The following FMN1 variants were observed in gnomAD, a reference collection of about 807,000 sequenced individuals.
The protein encoded by FMN1 is formin-1.
FMN1 carries 110 observed loss-of-function variants against 132.4 expected under a neutral mutation model. That is an observed-to-expected ratio of 0.83 (90% CI 0.71 to 0.97). FMN1 has a LOEUF of 0.97. FMN1 is among the 50% of genes least tolerant of loss of function. The pLI is 0.00. For synonymous variants in FMN1, 722 were observed against 651.7 expected (o/e 1.11, Z -1.64); for missense variants, 1,792 against 1,705.3 (o/e 1.05, Z -0.90).
intron 17 of FMN1, among the ~76,000 whole-genome samples, chr15:32,808,387 A>G (rs948330759): frequency 6.6e-6 from 1 of 152,166 alleles, no homozygotes. Context: ...ACCCTCCCAC[A>G]TAGTTGCAGC....
intron 5 of FMN1, among the ~76,000 whole-genome samples, chr15:33,087,441 G>T: frequency 6.6e-6 from 1 of 152,176 alleles, no homozygotes; most frequent in East Asian, 1.9e-4. Flanking sequence ...AGCTTCTCAG[G>T]AGGCTGAGGT....
chr15:33,014,510 A>C (rs2034924795), intron 6 of FMN1, among the ~76,000 whole-genome samples: 1 of 152,252 alleles, frequency 6.6e-6, no homozygotes, highest in Admixed American at 6.5e-5. Flanking sequence ...AATGGAAGTT[A>C]ATAAATCAAT....
chr15:32,829,888 C>T (rs1177384493), intron 17 of FMN1, among the ~76,000 whole-genome samples: 1 of 152,166 alleles, frequency 6.6e-6, no homozygotes, highest in Non-Finnish European at 1.5e-5. Flanking sequence ...CAAATACCCA[C>T]ACAGAAATGA....
At chr15:32,962,035 C>T (rs1404305462) in intron 9 of FMN1, among the ~76,000 whole-genome samples, 2 of 152,074 alleles carry the variant, frequency 1.3e-5, no homozygotes, top group African/African-American at 4.8e-5. Flanking sequence ...ACCCTCCTTC[C>T]CCTGCACTAC....
At chr15:32,898,926 A>G (rs948245817) in intron 14 of FMN1, 33 bp from the exon 15 acceptor site, 8 of 1,411,936 alleles carry the variant, frequency 5.7e-6, no homozygotes, top group Non-Finnish European at 8.0e-6. Context: ...CATGAAAATC[A>G]TTCCCATGAG....
At chr15:32,929,699 CTAGAT>C (rs1182438210) in intron 9 of FMN1, among the ~76,000 whole-genome samples, 1 of 151,842 alleles carries the variant, frequency 6.6e-6, no homozygotes, top group Non-Finnish European at 1.5e-5. Context: ...CTTTTTGTGA[CTAGAT>C]TATTTTCACT....
intron 7 of FMN1, among the ~76,000 whole-genome samples, chr15:32,980,585 G>A (rs916179713): frequency 1.3e-5 from 2 of 152,036 alleles, no homozygotes; most frequent in African/African-American, 4.8e-5. Context: ...ATCTACTACT[G>A]GGGTACTTGG....
intron 4 of FMN1, among the ~76,000 whole-genome samples, chr15:33,127,736 TAATGATAGGGGAAACC>T (rs1963235564): frequency 6.6e-6 from 1 of 152,214 alleles, no homozygotes; most frequent in South Asian, 2.1e-4. Context: ...GGTTATATTG[TAATGATAGGGGAAACC>T]AATGCCACAT....
chr15:32,921,525 C>T (rs1054610259), intron 10 of FMN1, among the ~76,000 whole-genome samples: 1 of 152,122 alleles, frequency 6.6e-6, no homozygotes, highest in African/African-American at 2.4e-5. Context: ...TCTTAGATTT[C>T]TTGTCCCCAT....
At position 32,919,315 on chromosome 15, in the gene FMN1, C is replaced by A. The variant is rs1163402613; in HGVS notation, c.3226+6859G>T. Among the ~76,000 whole-genome samples, 4 of 152,144 alleles carry A rather than the reference C, an allele frequency of 2.6e-5. No individual in the cohort carries two copies. In the East Asian group the frequency reaches 7.7e-4, roughly 29 times the overall value. ...AATGGTAGAGCAGACACTTTGGTTG[C>A]TAGTACAAACTCTTCATCAGTTATG... On this transcript the variant is annotated intron_variant, in intron 10 of 20. Transcript: ENST00000616417.
intron 6 of FMN1, among the ~76,000 whole-genome samples, chr15:33,021,030 G>C (rs779792622): frequency 6.6e-6 from 1 of 152,182 alleles, no homozygotes; most frequent in Non-Finnish European, 1.5e-5. Flanking sequence ...ATAAGCTGAC[G>C]TGATGTAAGG....
At chr15:33,040,055 T>C (rs2036358849) in intron 6 of FMN1, among the ~76,000 whole-genome samples, 1 of 152,200 alleles carries the variant, frequency 6.6e-6, no homozygotes, top group Non-Finnish European at 1.5e-5. Flanking sequence ...TCCCTCCCCA[T>C]GGAAGACGTG....
intron 6 of FMN1, chr15:33,012,816 T>TGGA: frequency 1.5e-6 from 1 of 652,196 alleles, no homozygotes; most frequent in Admixed American, 2.0e-5. Flanking sequence ...GCTGTGGTGG[T>TGGA]GGAGGATATG....
At chr15:33,107,673 C>A (rs112725264) in intron 4 of FMN1, among the ~76,000 whole-genome samples, 62 of 152,204 alleles carry the variant, frequency 4.1e-4, no homozygotes, top group African/African-American at 1.4e-3. Context: ...AAATATCCTT[C>A]GAGCAGAAAG....
At chr15:33,033,014 C>G (rs1178949902) in intron 6 of FMN1, among the ~76,000 whole-genome samples, 1 of 152,044 alleles carries the variant, frequency 6.6e-6, no homozygotes, top group Non-Finnish European at 1.5e-5. Flanking sequence ...TGCTGTTTTA[C>G]TATTACTGTT....
chr15:33,016,954 G>A (rs963872578), intron 6 of FMN1, among the ~76,000 whole-genome samples: 1 of 152,184 alleles, frequency 6.6e-6, no homozygotes, highest in Non-Finnish European at 1.5e-5. Flanking sequence ...TGAGAGGCCT[G>A]TCTCGCTTTC....
chr15:33,006,296 C>G (rs1424482541), intron 7 of FMN1, among the ~76,000 whole-genome samples: 1 of 151,944 alleles, frequency 6.6e-6, no homozygotes, highest in East Asian at 1.9e-4. Flanking sequence ...AAAAATGCTC[C>G]AACATCACTA....
chr15:33,152,693 C>T (rs1475668157), intron 4 of FMN1, among the ~76,000 whole-genome samples: 2 of 142,980 alleles, frequency 1.4e-5, no homozygotes, highest in Admixed American at 7.4e-5. Flanking sequence ...GTGTTACCAT[C>T]AAAGGCAGGG....
rs751736645 is a variant in FMN1 at position 32,982,013 on chromosome 15, G to C, written c.2224-12536C>G. Among the ~76,000 whole-genome samples the C allele has an allele frequency of 2.6e-4, 39 of 152,056 alleles. 1 individual carries two copies. Among genetic ancestry groups the C allele is most frequent in the Non-Finnish European group, 1.5e-4 (10 of 68,016 alleles). ...ACAGGACTTGTTTCCAGAGCATAGAGAGAATTCAGTTAAAACAAAAATAAG... is the reference window on the plus strand; with the variant it reads ...ACAGGACTTGTTTCCAGAGCATAGACAGAATTCAGTTAAAACAAAAATAAG... On this transcript the variant is annotated intron_variant, in intron 7 of 20. Coordinates refer to ENST00000616417, the MANE Select transcript of FMN1 (RefSeq NM_001277313.2).
Sources: gnomAD v4.1 joint callset for allele counts (sites outside exome capture counted in the v4.1 genomes callset) on GRCh38, gnomAD v4.1.1 for gene constraint, MANE v1.5 for transcripts, NCBI Gene and HGNC (gene_info 2026-07-23, HGNC 2026-07-21) for gene names.